The following PRKCE variants were observed in gnomAD, a reference collection of about 807,000 sequenced individuals.
The protein encoded by PRKCE is protein kinase C epsilon.
In PRKCE, 16 loss-of-function variants were observed where a neutral mutation model predicts 85.4. The observed-to-expected ratio is 0.19, with a 90% confidence interval of 0.13 to 0.28. PRKCE has a LOEUF of 0.28. Among genes scored for constraint, PRKCE ranks in the 10% least tolerant of loss-of-function variants. The pLI is 1.00. For missense variants in PRKCE, 573 were observed against 975.2 expected (o/e 0.59, Z 5.49); for synonymous variants, 388 against 371.5 (o/e 1.04, Z -0.51).
At position 46,001,525 on chromosome 2, in the gene PRKCE, C is replaced by T. The variant is rs766498520; in HGVS notation, c.945C>T (p.Asn315=). ...GCGTTACCCCAGACAAAATCACCAA[C>T]AGCGGCCAGAGAAGGAAAAAGGTAA... is the stretch of plus-strand genomic sequence containing the variant. ...DLGVTPDKIT[N]SGQRRKKLIA... The change falls in exon 7 of 15, where the codon AAC becomes AAT. Residue 315 remains asparagine (N), a synonymous_variant. Coordinates refer to ENST00000306156, the MANE Select transcript of PRKCE (RefSeq NM_005400.3). This position sits in a 1 kb window ranked among gnomAD's most constrained non-coding sequence, Gnocchi z 4.4. 4 of 1,598,988 alleles carry T rather than the reference C, an allele frequency of 2.5e-6. No individual in the cohort carries two copies. The East Asian group carries it at 6.7e-5, about 27-fold the overall frequency.
intron 1 of PRKCE, among the ~76,000 whole-genome samples, chr2:45,830,084 A>G (rs1690289493): frequency 6.6e-6 from 1 of 151,574 alleles, no homozygotes; most frequent in South Asian, 2.1e-4. Context: ...AAAAAAAAAA[A>G]AAAAAAAAAA....
At position 46,018,436 on chromosome 2, in the gene PRKCE, C is replaced by T. The variant is rs144425924; in HGVS notation, c.1437+7919C>T. ...AGTGAGCCGAGATCCCGCCACTGCCCTCCAGCCTGGGCCACAGAGTGAAAC... is the reference window on the plus strand; with the variant it reads ...AGTGAGCCGAGATCCCGCCACTGCCTTCCAGCCTGGGCCACAGAGTGAAAC... On this transcript the variant is annotated intron_variant, in intron 10 of 14. Coordinates refer to ENST00000306156, the MANE Select transcript of PRKCE (RefSeq NM_005400.3). Among the ~76,000 whole-genome samples, 219 of 152,172 alleles carry T rather than the reference C, an allele frequency of 1.4e-3. 4 individuals are homozygous for T. In the East Asian group the frequency reaches 0.034, roughly 24 times the overall value.
At chr2:46,132,668 G>A (rs1044095568) in intron 11 of PRKCE, among the ~76,000 whole-genome samples, 3 of 152,132 alleles carry the variant, frequency 2.0e-5, no homozygotes, top group African/African-American at 7.2e-5. Context: ...GCACAGCCCT[G>A]TACCCCTTCT....
At chr2:45,757,917 CT>C (rs1684144167) in intron 1 of PRKCE, among the ~76,000 whole-genome samples, 1 of 152,124 alleles carries the variant, frequency 6.6e-6, no homozygotes, top group Non-Finnish European at 1.5e-5. Context: ...AAGGAACTGC[CT>C]TTGAGGACTA....
chr2:46,124,895 G>A (rs928712087), intron 11 of PRKCE, among the ~76,000 whole-genome samples: 2 of 152,176 alleles, frequency 1.3e-5, no homozygotes, highest in African/African-American at 4.8e-5. Context: ...CTTAATCGAT[G>A]AATATGGTAA....
intron 2 of PRKCE, among the ~76,000 whole-genome samples, chr2:45,951,588 G>A (rs941374057): frequency 1.4e-4 from 21 of 152,288 alleles, no homozygotes; most frequent in African/African-American, 4.1e-4. Context: ...TAAAGGTGCC[G>A]CTCTCCCTAG....
chr2:45,833,739 C>G (rs749361565), intron 1 of PRKCE, among the ~76,000 whole-genome samples: 1 of 152,202 alleles, frequency 6.6e-6, no homozygotes, highest in Non-Finnish European at 1.5e-5. Context: ...TTCAAATATA[C>G]CTAGTGATAG....
chr2:46,113,767 A>G (rs1672487994), intron 11 of PRKCE, among the ~76,000 whole-genome samples: 1 of 152,144 alleles, frequency 6.6e-6, no homozygotes, highest in African/African-American at 2.4e-5. Context: ...GAGATTCCTG[A>G]GGGATGAATG....
chr2:45,701,642 C>T (rs562480882), intron 1 of PRKCE: 3 of 152,360 alleles, frequency 2.0e-5, no homozygotes, highest in East Asian at 1.9e-4. Flanking sequence ...GGGCACCCCA[C>T]ATGAGATAAT....
chr2:46,172,259 C>A (rs77355153), intron 14 of PRKCE, among the ~76,000 whole-genome samples: 1 of 152,280 alleles, frequency 6.6e-6, no homozygotes, highest in Non-Finnish European at 1.5e-5. Flanking sequence ...CAGCCTCTTG[C>A]GGGAGCCAAG....
At chr2:45,894,463 A>G (rs1695977173) in intron 2 of PRKCE, among the ~76,000 whole-genome samples, 1 of 151,202 alleles carries the variant, frequency 6.6e-6, no homozygotes, top group South Asian at 2.1e-4. Flanking sequence ...AGCGTCATTT[A>G]GTTAACACTG....
At chr2:45,655,340 TAA>T (rs1675326641) in intron 1 of PRKCE, among the ~76,000 whole-genome samples, 1 of 147,204 alleles carries the variant, frequency 6.8e-6, no homozygotes, top group Non-Finnish European at 1.5e-5. Context: ...TAAAACGTTA[TAA>T]GTTTTTTTGC....
At chr2:46,069,969 G>C (rs1014161614) in intron 10 of PRKCE, among the ~76,000 whole-genome samples, 1 of 152,228 alleles carries the variant, frequency 6.6e-6, no homozygotes, top group African/African-American at 2.4e-5. Context: ...CTAGCCGACA[G>C]ATTCACACAT....
intron 10 of PRKCE, among the ~76,000 whole-genome samples, chr2:46,069,470 G>A (rs1219669453): frequency 6.6e-6 from 1 of 152,030 alleles, no homozygotes; most frequent in Non-Finnish European, 1.5e-5. Context: ...AGGGTACTTA[G>A]AGTTTAGAAC....
At chr2:46,006,237 C>A (rs1456069848) in intron 8 of PRKCE, among the ~76,000 whole-genome samples, 1 of 152,260 alleles carries the variant, frequency 6.6e-6, no homozygotes, top group African/African-American at 2.4e-5. Context: ...TTTCTTCAAG[C>A]TTTGCTGTCC....
intron 1 of PRKCE, among the ~76,000 whole-genome samples, chr2:45,799,313 A>C (rs1435085242): frequency 6.6e-6 from 1 of 152,232 alleles, no homozygotes; most frequent in Non-Finnish European, 1.5e-5. Context: ...AAAGAATTAC[A>C]CAAGGAAATT....
chr2:46,133,434 G>A (rs1674656333), intron 11 of PRKCE, among the ~76,000 whole-genome samples: 1 of 152,112 alleles, frequency 6.6e-6, no homozygotes, highest in South Asian at 2.1e-4. Context: ...ACCTCTCCTT[G>A]AAAACAGGGA....
In PRKCE at chr2:46,089,434, C is replaced by T. The variant is rs76700158; in HGVS notation, c.1592+3072C>T. On this transcript the variant is annotated intron_variant, in intron 11 of 14. Transcript: ENST00000306156. Reference sequence around the variant, plus strand: ...TTACTGTCTTCACTAGCTCACTGCCCCTTGGTTTTCTGCCCTCCAGTCTAT... The same window carrying T: ...TTACTGTCTTCACTAGCTCACTGCCTCTTGGTTTTCTGCCCTCCAGTCTAT... 1.8e-4 allele frequency among the ~76,000 whole-genome samples: 27 copies of T among 152,280 alleles called. No homozygotes were observed. The East Asian group carries it at 5.2e-3, about 29-fold the overall frequency.
intron 2 of PRKCE, among the ~76,000 whole-genome samples, chr2:45,904,014 G>A (rs572957873): frequency 7.0e-4 from 106 of 151,442 alleles, no homozygotes; most frequent in African/African-American, 2.2e-3. Flanking sequence ...AGCGATTCTC[G>A]TGCCTCACCC....
Sources: allele counts gnomAD v4.1 joint callset (sites outside exome capture counted in the v4.1 genomes callset), GRCh38; gene constraint gnomAD v4.1.1; non-coding constraint Gnocchi (gnomAD v3.1); transcripts MANE v1.5; gene names NCBI Gene and HGNC (gene_info 2026-07-23, HGNC 2026-07-21).